ABCB7: variants seen among roughly 807,000 people sequenced by gnomAD.
ABCB7 encodes ATP binding cassette subfamily B member 7.
In ABCB7, 7 loss-of-function variants were observed where a neutral mutation model predicts 54.4. The ratio of observed to expected loss-of-function variants is 0.13; its 90% CI spans 0.07 to 0.24. The LOEUF is 0.24. Among genes scored for constraint, ABCB7 ranks in the 10% least tolerant of loss-of-function variants. The pLI is 1.00. For missense variants in ABCB7, 356 were observed against 570.4 expected (o/e 0.62, Z 3.83); for synonymous variants, 218 against 207.1 (o/e 1.05, Z -0.45).
At chrX:75,097,168 G>A (rs1384024060) in intron 4 of ABCB7, among the ~76,000 whole-genome samples, 1 of 111,396 alleles carries the variant, frequency 9.0e-6, no homozygotes, top group African/African-American at 3.3e-5. Context: ...ACATTTACGA[G>A]CTCTAATCTG....
At chrX:75,148,379 C>G (rs772655223) in intron 1 of ABCB7, among the ~76,000 whole-genome samples, 1 of 108,360 alleles carries the variant, frequency 9.2e-6, no homozygotes, top group South Asian at 4.2e-4. Context: ...ATCCCAAACC[C>G]CCCCCCAACC....
At position 75,051,314 on chromosome X, in the gene ABCB7, A is replaced by C. The variant is rs908995215; in HGVS notation, c.*2056T>G. On this transcript the variant is annotated 3_prime_UTR_variant, in exon 16 of 16. Coordinates refer to ENST00000373394, the MANE Select transcript of ABCB7 (RefSeq NM_001271696.3). ...TAGCAAGAGTGGACACCTAAGTTAG[A>C]TAAGTTCAGCTATCCACCCACCAAT... Among the ~76,000 whole-genome samples, 3 of 111,487 alleles carry C rather than the reference A, an allele frequency of 2.7e-5. No individual in the cohort carries two copies. The highest frequency in any genetic ancestry group is 9.5e-5 in the Admixed American group (1 of 10,494).
chrX:75,125,065 CT>C (rs1345825485), intron 1 of ABCB7, among the ~76,000 whole-genome samples: 1 of 111,663 alleles, frequency 9.0e-6, no homozygotes, highest in African/African-American at 3.2e-5. Flanking sequence ...ACGTTTGTTA[CT>C]TTTTATGCAT....
intron 3 of ABCB7, among the ~76,000 whole-genome samples, chrX:75,111,764 T>C (rs2081762195): frequency 8.9e-6 from 1 of 112,304 alleles, no homozygotes; most frequent in African/African-American, 3.2e-5. Flanking sequence ...AGAAAGAAAC[T>C]GTCTTGAAGT....
chrX:75,129,147 G>A (rs1021903733), intron 1 of ABCB7, among the ~76,000 whole-genome samples: 7 of 111,823 alleles, frequency 6.3e-5, no homozygotes, highest in Admixed American at 2.9e-4. Flanking sequence ...ACATGCACAC[G>A]TATGTTTATT....
chrX:75,059,935 G>A (rs1159683224), intron 15 of ABCB7, among the ~76,000 whole-genome samples: 4 of 111,911 alleles, frequency 3.6e-5, no homozygotes, highest in African/African-American at 1.3e-4. Flanking sequence ...ACTGAAGGCA[G>A]AAAAGTTATT....
chrX:75,138,512 G>C (rs2082030874), intron 1 of ABCB7, among the ~76,000 whole-genome samples: 1 of 111,715 alleles, frequency 9.0e-6, no homozygotes, highest in African/African-American at 3.3e-5. Context: ...ACTAATATTG[G>C]AGGGAATGAA....
chrX:75,058,793 C>T (rs2081261076), intron 15 of ABCB7, among the ~76,000 whole-genome samples: 1 of 111,247 alleles, frequency 9.0e-6, no homozygotes, highest in Non-Finnish European at 1.9e-5. Flanking sequence ...TGCCTGCTAA[C>T]GTATTTTAAC....
At chrX:75,096,157 A>G (rs1602366447) in intron 4 of ABCB7, among the ~76,000 whole-genome samples, 1 of 112,516 alleles carries the variant, frequency 8.9e-6, no homozygotes, top group Non-Finnish European at 1.9e-5. Context: ...TATGTAAAAG[A>G]CAATTCAGCA....
intron 1 of ABCB7, among the ~76,000 whole-genome samples, chrX:75,117,042 A>G (rs2081826835): frequency 9.0e-6 from 1 of 111,343 alleles, no homozygotes; most frequent in South Asian, 3.8e-4. Flanking sequence ...TAATCAAGAA[A>G]TAACCATAAA....
At chrX:75,127,505 A>G (rs1030356569) in intron 1 of ABCB7, among the ~76,000 whole-genome samples, 2 of 112,000 alleles carry the variant, frequency 1.8e-5, no homozygotes, top group Admixed American at 9.5e-5. Flanking sequence ...GCACAAGGAC[A>G]TGGATGCCCT....
chrX:75,083,356 C>T (rs2081471598), intron 4 of ABCB7, among the ~76,000 whole-genome samples: 2 of 111,167 alleles, frequency 1.8e-5, no homozygotes. Flanking sequence ...TGGTTGGGAA[C>T]CACTGGTATA....
intron 1 of ABCB7, among the ~76,000 whole-genome samples, chrX:75,135,733 T>C (rs766528027): frequency 2.5e-4 from 28 of 111,487 alleles, no homozygotes; most frequent in African/African-American, 8.5e-4. Context: ...AAAAACCACA[T>C]GATCATCTCA....
At chrX:75,096,169 A>C (rs5981765) in intron 4 of ABCB7, among the ~76,000 whole-genome samples, 3,210 of 112,356 alleles carry the variant, frequency 0.029, 117 homozygotes, top group African/African-American at 0.099. Context: ...AATTCAGCAA[A>C]CAATACTATG....
chrX:75,096,754 G>A (rs969970977), intron 4 of ABCB7, among the ~76,000 whole-genome samples: 5 of 109,418 alleles, frequency 4.6e-5, no homozygotes, highest in African/African-American at 1.7e-4. Flanking sequence ...TTTGTTAAAG[G>A]CATTCTTATT....
intron 4 of ABCB7, among the ~76,000 whole-genome samples, chrX:75,079,868 T>C (rs1375804777): frequency 8.9e-6 from 1 of 111,972 alleles, no homozygotes; most frequent in Non-Finnish European, 1.9e-5. Flanking sequence ...ACCCCCGTTC[T>C]ACCTGCCTCA....
Position 75,073,893 on chromosome X carries a change from A to G in ABCB7, c.919T>C (p.Phe307Leu). ...TLGTLGTYTA[F>L]TVAVTRWRTR... ...CTCCACCGTGTGACTGCAACTGTGAATGCTGTGTATGTACCAAGTGTTCCA... is the reference window on the plus strand; with the variant it reads ...CTCCACCGTGTGACTGCAACTGTGAGTGCTGTGTATGTACCAAGTGTTCCA... Residue 307 changes from phenylalanine to leucine, a missense_variant, in exon 7 of 16, where the codon TTC (phenylalanine) becomes CTC (leucine). Phe to Leu is a conservative substitution (Grantham distance 22). Around this residue, in one of 2 missense-constraint regions of ABCB7, gnomAD observed 241 missense variants for 470.9 expected, o/e 0.51. Coordinates refer to ENST00000373394, the MANE Select transcript of ABCB7 (RefSeq NM_001271696.3). 1 of 1,210,532 alleles carries G rather than the reference A, an allele frequency of 8.3e-7. No individual in the cohort carries two copies. The highest frequency in any genetic ancestry group is 1.1e-6 in the Non-Finnish European group (1 of 894,195).
chrX:75,148,235 T>C (rs1413959868), intron 1 of ABCB7, among the ~76,000 whole-genome samples: 4 of 112,154 alleles, frequency 3.6e-5, no homozygotes, highest in Non-Finnish European at 7.5e-5. Flanking sequence ...TATAACCTAC[T>C]CAAAAAGGTC....
At chrX:75,100,562 C>A (rs1007301039) in intron 3 of ABCB7, among the ~76,000 whole-genome samples, 2 of 111,208 alleles carry the variant, frequency 1.8e-5, no homozygotes, top group Non-Finnish European at 1.9e-5. Flanking sequence ...CCCCTTCAAC[C>A]TCTTTCAACT....
Sources: gnomAD v4.1 joint callset for allele counts (sites outside exome capture counted in the v4.1 genomes callset) on GRCh38, gnomAD v4.1.1 for gene constraint, gnomAD v4.1.1 regional missense constraint, MANE v1.5 for transcripts, NCBI Gene and HGNC (gene_info 2026-07-23, HGNC 2026-07-21) for gene names.